Variants in MYCT1 observed in about 807,000 individuals in gnomAD.
MYCT1 encodes the protein MYC target 1.
In MYCT1, 12 loss-of-function variants were observed where a neutral mutation model predicts 15.0. The observed-to-expected ratio is 0.80, with a 90% confidence interval of 0.51 to 1.29. The LOEUF is 1.29. Among genes scored for constraint, MYCT1 ranks in the 50% most tolerant of loss-of-function variants. The pLI, the probability that MYCT1 is intolerant of heterozygous loss-of-function variation, is 0.00. For missense variants in MYCT1, 287 were observed against 279.1 expected (o/e 1.03, Z -0.20); for synonymous variants, 104 against 102.7 (o/e 1.01, Z -0.07).
chr6:152,738,323 A>G, the MYCT1 span, among the ~76,000 whole-genome samples: 9 of 152,108 alleles, frequency 5.9e-5, no homozygotes, highest in African/African-American at 2.2e-4. Flanking sequence ...CAGCAAGTAA[A>G]ATGTATACTT....
At chr6:152,724,637 A>G (rs2099725317), downstream of MYCT1, 1 of 152,186 alleles carries the variant, frequency 6.6e-6, no homozygotes, top group Admixed American at 6.5e-5. Flanking sequence ...TCAAGAAATT[A>G]TAAAATTCAG....
At chr6:152,738,830 A>G in the MYCT1 span, among the ~76,000 whole-genome samples, 8 of 152,256 alleles carry the variant, frequency 5.3e-5, no homozygotes, top group South Asian at 2.1e-4. Flanking sequence ...TGTAATTAAC[A>G]TGTCAGAACA....
chr6:152,736,462 T>A, the MYCT1 span, among the ~76,000 whole-genome samples: 2 of 152,136 alleles, frequency 1.3e-5, no homozygotes, highest in African/African-American at 4.8e-5. Flanking sequence ...GTGAGGGGAC[T>A]ATTAGAGTAT....
downstream of MYCT1, among the ~76,000 whole-genome samples, chr6:152,725,778 GTTTTCTCTGAGAAAAGTGGCGATGAAC>G (rs1324584157): frequency 6.6e-6 from 1 of 152,158 alleles, no homozygotes; most frequent in East Asian, 1.9e-4. Flanking sequence ...CAGGTACACG[GTTTTCTCTGAGAAAAGTGGCGATGAAC>G]TTGTATGGAG....
intron 1 of MYCT1, among the ~76,000 whole-genome samples, chr6:152,699,786 T>G (rs984697035): frequency 6.6e-6 from 1 of 152,156 alleles, no homozygotes; most frequent in Non-Finnish European, 1.5e-5. Context: ...AAGATTAAAA[T>G]AAACTTGATA....
chr6:152,743,706 G>A, the MYCT1 span, among the ~76,000 whole-genome samples: 3 of 152,146 alleles, frequency 2.0e-5, no homozygotes, highest in Non-Finnish European at 4.4e-5. Context: ...TCTCAGCTCC[G>A]CTACTCATTG....
At chr6:152,734,118 AAAT>A in the MYCT1 span, among the ~76,000 whole-genome samples, 4 of 152,034 alleles carry the variant, frequency 2.6e-5, no homozygotes, top group African/African-American at 9.7e-5. Context: ...CTGTGAAATG[AAAT>A]GTGGGATTCA....
chr6:152,736,125 C>G, the MYCT1 span, among the ~76,000 whole-genome samples: 1 of 152,012 alleles, frequency 6.6e-6, no homozygotes, highest in African/African-American at 2.4e-5. Flanking sequence ...TAGCTCTTAG[C>G]TTTTTAGCTG....
At chr6:152,704,567 C>T (rs2099721936) in intron 1 of MYCT1, among the ~76,000 whole-genome samples, 1 of 152,094 alleles carries the variant, frequency 6.6e-6, no homozygotes, top group Admixed American at 6.6e-5. Context: ...ATCAGCACAT[C>T]CATCACTGCA....
chr6:152,722,247 T>G lies in MYCT1; in HGVS notation c.702T>G (p.Asp234Glu), dbSNP rs866120240. The change falls in exon 2 of 2, where the codon GAT becomes GAG. Residue 234 changes from aspartate to glutamate, a missense_variant. Coordinates refer to ENST00000367245, the MANE Select transcript of MYCT1 (RefSeq NM_025107.3). ...AGTCCATCATCAAGGCATTCCCAGA[T>G]TCCTGAGTAGGGTGGCTTTTGGTTT... ...AYESIIKAFP[D>E]S 1 of 1,607,154 alleles carries G rather than the reference T, an allele frequency of 6.2e-7. No individual in the cohort carries two copies. Among genetic ancestry groups the G allele is most frequent in the East Asian group, 2.2e-5 (1 of 44,776 alleles).
At chr6:152,704,760 T>G (rs952445696) in intron 1 of MYCT1, among the ~76,000 whole-genome samples, 1 of 152,192 alleles carries the variant, frequency 6.6e-6, no homozygotes, top group Non-Finnish European at 1.5e-5. Context: ...ATATTTAAGG[T>G]GTCCAACATG....
intron 1 of MYCT1, among the ~76,000 whole-genome samples, chr6:152,706,668 GT>G (rs1036366093): frequency 3.5e-4 from 54 of 152,226 alleles, no homozygotes; most frequent in African/African-American, 1.2e-3. Context: ...GCTAATGTAA[GT>G]ATTGTGTGCA....
chr6:152,705,974 G>T lies in MYCT1; in HGVS notation c.196+7876G>T, dbSNP rs576102677. 4 of 796,426 alleles carry T rather than the reference G, an allele frequency of 5.0e-6. No individual in the cohort carries two copies. In the African/African-American group the frequency reaches 6.8e-5, roughly 13 times the overall value. The allele number at this position is 796,426 out of a possible 1,614,324, so 49.3% of individuals were successfully genotyped here. ...AAAAAGCAATTATTGACCCAACAAA[G>T]ATTGTGAGAGCTGCTTTATCGGATG... On this transcript the variant is annotated intron_variant, in intron 1 of 1. Transcript: ENST00000367245.
At chr6:152,737,066 G>A in the MYCT1 span, among the ~76,000 whole-genome samples, 21 of 152,130 alleles carry the variant, frequency 1.4e-4, no homozygotes, top group African/African-American at 5.1e-4. Context: ...ATAACCAAAA[G>A]CTTATCTTGA....
downstream of MYCT1, among the ~76,000 whole-genome samples, chr6:152,725,849 A>C (rs565004440): frequency 6.6e-6 from 1 of 152,158 alleles, no homozygotes; most frequent in African/African-American, 2.4e-5. Flanking sequence ...GTGGGACTGG[A>C]TCAGAGCATT....
chr6:152,736,379 A>C, the MYCT1 span, among the ~76,000 whole-genome samples: 59 of 152,248 alleles, frequency 3.9e-4, no homozygotes, highest in Admixed American at 5.9e-4. Flanking sequence ...TGACAGAAAA[A>C]AAATCAGTGA....
downstream of MYCT1, among the ~76,000 whole-genome samples, chr6:152,725,402 T>C (rs1004618353): frequency 2.6e-5 from 4 of 152,228 alleles, no homozygotes; most frequent in Non-Finnish European, 5.9e-5. Context: ...AAAGTGCCCA[T>C]GTACATTTAA....
chr6:152,706,727 G>A (rs1197956065), intron 1 of MYCT1, among the ~76,000 whole-genome samples: 3 of 152,006 alleles, frequency 2.0e-5, no homozygotes, highest in African/African-American at 7.2e-5. Flanking sequence ...TAAAAGTTAG[G>A]GGTATTAAAT....
the MYCT1 span, among the ~76,000 whole-genome samples, chr6:152,743,880 G>T: frequency 1.6e-4 from 25 of 152,338 alleles, no homozygotes; most frequent in African/African-American, 6.0e-4. Context: ...AGTAACTACA[G>T]ATACAGGATA....
Sources: allele counts gnomAD v4.1 joint callset (sites outside exome capture counted in the v4.1 genomes callset), GRCh38; gene constraint gnomAD v4.1.1; transcripts MANE v1.5; gene names NCBI Gene and HGNC (gene_info 2026-07-23, HGNC 2026-07-21).